The following SDHA variants were observed in gnomAD, a reference collection of about 807,000 sequenced individuals.
The protein encoded by SDHA is succinate dehydrogenase complex flavoprotein subunit A.
SDHA carries 48 observed loss-of-function variants against 78.4 expected under a neutral mutation model. That is an observed-to-expected ratio of 0.61 (90% CI 0.49 to 0.78). The LOEUF is 0.78. SDHA is among the 30% of genes least tolerant of loss of function. SDHA has a pLI of 0.00. For synonymous variants in SDHA, 326 were observed against 353.9 expected, an observed-to-expected ratio of 0.92 and a Z score of 0.88; for missense variants, 680 against 892.7, an observed-to-expected ratio of 0.76 and a Z score of 3.04.
intron 8 of SDHA, chr5:234,689 A>G (rs1047462942): frequency 1.9e-5 from 4 of 216,202 alleles, no homozygotes; most frequent in African/African-American, 4.6e-5. Context: ...ACTTGAAATG[A>G]GGATGATTTA....
At chr5:242,213 A>G (rs1736186408) in intron 11 of SDHA, among the ~76,000 whole-genome samples, 1 of 152,208 alleles carries the variant, frequency 6.6e-6, no homozygotes, top group African/African-American at 2.4e-5. Flanking sequence ...CAGGCCCCCA[A>G]ATGTGGCCCA....
At chr5:221,449 C>G (rs1448300201) in intron 1 of SDHA, among the ~76,000 whole-genome samples, 1 of 152,142 alleles carries the variant, frequency 6.6e-6, no homozygotes, top group Non-Finnish European at 1.5e-5. Flanking sequence ...GTTGTACATG[C>G]AGATTAGTTT....
the SDHA span, among the ~76,000 whole-genome samples, chr5:262,594 T>G: frequency 1.3e-5 from 2 of 152,118 alleles, no homozygotes; most frequent in Non-Finnish European, 2.9e-5. Context: ...ATCCCCACCA[T>G]CCCCACACTT....
At chr5:258,264 CAT>C (rs1193611583), downstream of SDHA, among the ~76,000 whole-genome samples, 1 of 127,130 alleles carries the variant, frequency 7.9e-6, no homozygotes, top group Non-Finnish European at 1.6e-5. Context: ...AGCTCCGCCC[CAT>C]GTTAGAGCAT....
intron 13 of SDHA, among the ~76,000 whole-genome samples, chr5:253,746 T>C (rs959200874): frequency 3.3e-5 from 5 of 152,112 alleles, no homozygotes; most frequent in African/African-American, 1.2e-4. Context: ...GTGCATAAAT[T>C]TAGTTGGTCA....
Position 251,399 on chromosome 5 carries a change from G to A in SDHA, c.1725G>A (p.Ala575=), listed in dbSNP as rs758252610. Residue 575 remains alanine (A), a synonymous_variant, in exon 13 of 15, where the codon GCG becomes GCA. Transcript: ENST00000264932. Reference sequence around the variant, plus strand: ...AGCTGCAGAACCTGATGCTGTGTGCGCTGCAGACCATCTACGGAGCAGAGG... The same window carrying A: ...AGCTGCAGAACCTGATGCTGTGTGCACTGCAGACCATCTACGGAGCAGAGG... The part of the protein sequence containing the change: ...TLELQNLMLC[A]LQTIYGAEAR... 5.7e-5 allele frequency: 92 copies of A among 1,613,796 alleles called. No homozygotes were observed. The highest frequency in any genetic ancestry group is 2.0e-4 in the East Asian group (9 of 44,892).
rs1431876506 is a variant in SDHA at position 224,607 on chromosome 5, C to T, written c.312+86C>T. On this transcript the variant is annotated intron_variant, in intron 3 of 14. Coordinates refer to ENST00000264932, the MANE Select transcript of SDHA (RefSeq NM_004168.4). ...TTCTACCTGGGCAGCCCCCTGCCTC[C>T]TCCCCCTGCTCCAGCCACATGGCCT... 7.9e-6 allele frequency: 11 copies of T among 1,399,186 alleles called. No homozygotes were observed. The Admixed American group carries it at 1.9e-4, about 24-fold the overall frequency. The allele number at this position is 1,399,186 out of a possible 1,614,324, so 86.7% of individuals were successfully genotyped here.
At chr5:235,039 C>A (rs1265872355) in intron 8 of SDHA, 105 bp from the exon 9 acceptor site, 4 of 1,154,086 alleles carry the variant, frequency 3.5e-6, no homozygotes, top group Non-Finnish European at 5.2e-6. Flanking sequence ...AAATTTTCCT[C>A]AGTATCAAAA....
At chr5:233,722 C>G (rs1041566501) in intron 8 of SDHA, 77 bp downstream of exon 8, 2 of 1,437,980 alleles carry the variant, frequency 1.4e-6, no homozygotes. Flanking sequence ...CAGCACCGCT[C>G]GCCCTCACCT....
At chr5:246,958 G>A (rs1409398733) in intron 11 of SDHA, among the ~76,000 whole-genome samples, 1 of 140,042 alleles carries the variant, frequency 7.1e-6, no homozygotes, top group Admixed American at 6.9e-5. Context: ...AGCTGACTTT[G>A]TGGGTATTCT....
At position 251,113 on chromosome 5, in the gene SDHA, C is replaced by T; in HGVS notation, c.1663+10C>T. On this transcript the variant is annotated intron_variant, in intron 12 of 14. Coordinates refer to ENST00000264932, the MANE Select transcript of SDHA (RefSeq NM_004168.4). Reference sequence around the variant, plus strand: ...AAGACGTTCGACCGGGGTGAGCAGACAGTGGGCTCTGTGCACACTGTTGGG... The same window carrying T: ...AAGACGTTCGACCGGGGTGAGCAGATAGTGGGCTCTGTGCACACTGTTGGG... 1 of 1,609,440 alleles carries T rather than the reference C, an allele frequency of 6.2e-7. No individual in the cohort carries two copies. The highest frequency in any genetic ancestry group is 1.1e-5 in the South Asian group (1 of 90,934).
At chr5:262,299 CGTGTGAGCTCCG>C in the SDHA span, among the ~76,000 whole-genome samples, 1 of 44,310 alleles carries the variant, frequency 2.3e-5, no homozygotes, top group Non-Finnish European at 4.2e-5. Context: ...AGAGCATTAC[CGTGTGAGCTCCG>C]CCTCCCGTCA....
In SDHA at chr5:251,465, C is replaced by T. The variant is rs1226155499; in HGVS notation, c.1791C>T (p.Tyr597=). The change falls in exon 13 of 15, where the codon TAC becomes TAT. Residue 597 remains tyrosine, a synonymous_variant. Coordinates refer to ENST00000264932, the MANE Select transcript of SDHA (RefSeq NM_004168.4). ...ESRGAHARED[Y]KVRIDEYDYS... ...GGGGCGCGCATGCCAGGGAAGACTA[C>T]AAGGTGGGCCTTCTCACCACGCCCA... is the stretch of plus-strand genomic sequence containing the variant. 6.2e-7 allele frequency: 1 copy of T among 1,613,996 alleles called. No homozygotes were observed. The highest frequency in any genetic ancestry group is 8.5e-7 in the Non-Finnish European group (1 of 1,179,868).
rs980397872 is a variant in SDHA at position 251,340 on chromosome 5, A to G, written c.1666A>G (p.Met556Val). 5 of 1,612,954 alleles carry G rather than the reference A, an allele frequency of 3.1e-6. No individual in the cohort carries two copies. In the African/African-American group the frequency reaches 5.3e-5, roughly 17 times the overall value. ...GATGGAACTTTTTGTGTCCCCAGGAATGGTCTGGAACACGGACCTGGTGGA... is the reference window on the plus strand; with the variant it reads ...GATGGAACTTTTTGTGTCCCCAGGAGTGGTCTGGAACACGGACCTGGTGGA... ...LKHLKTFDRGMVWNTDLVETL... is the reference protein window; with the variant it reads ...LKHLKTFDRGVVWNTDLVETL... The change falls in exon 13 of 15, where the codon ATG becomes GTG. Residue 556 changes from methionine (M) to valine (V), a missense_variant and splice_region_variant. Coordinates refer to ENST00000264932, the MANE Select transcript of SDHA (RefSeq NM_004168.4).
intron 9 of SDHA, chr5:235,569 C>T: frequency 1.7e-6 from 1 of 582,462 alleles, no homozygotes; most frequent in Non-Finnish European, 3.1e-6. Context: ...CAGCTTTTTC[C>T]ATTTTGTAAT....
chr5:257,816 G>A, downstream of SDHA, among the ~76,000 whole-genome samples: 1 of 64,148 alleles, frequency 1.6e-5, no homozygotes, highest in Non-Finnish European at 2.9e-5. Context: ...GAGCATTACT[G>A]GGTGAGCTCC....
chr5:232,936 T>C (rs1375202105), intron 7 of SDHA, among the ~76,000 whole-genome samples: 1 of 152,160 alleles, frequency 6.6e-6, no homozygotes, highest in Non-Finnish European at 1.5e-5. Context: ...GTTAATTTGC[T>C]TGTCACTGAG....
At chr5:263,346 A>T in the SDHA span, among the ~76,000 whole-genome samples, 1 of 152,256 alleles carries the variant, frequency 6.6e-6, no homozygotes, top group South Asian at 2.1e-4. Flanking sequence ...CACAGGAAAC[A>T]GTTGTGCTCA....
At chr5:254,764 G>A (rs150571491) in intron 14 of SDHA, among the ~76,000 whole-genome samples, 667 of 151,738 alleles carry the variant, frequency 4.4e-3, no homozygotes, top group African/African-American at 0.015. Context: ...GGACGTCACT[G>A]GGCAGGAGCA....
Sources: gnomAD v4.1 joint callset for allele counts (sites outside exome capture counted in the v4.1 genomes callset) on GRCh38, gnomAD v4.1.1 for gene constraint, MANE v1.5 for transcripts, NCBI Gene and HGNC (gene_info 2026-07-23, HGNC 2026-07-21) for gene names.